The following C1orf21 variants were observed in gnomAD, a reference collection of about 807,000 sequenced individuals.
C1orf21 encodes uncharacterized protein C1orf21.
A neutral mutation model predicts 18.7 loss-of-function variants in C1orf21; 3 were observed. The ratio of observed to expected loss-of-function variants is 0.16; its 90% CI spans 0.07 to 0.42. The LOEUF is 0.42. Ranked by LOEUF, C1orf21 falls within the 10% of genes least tolerant of loss-of-function variation. C1orf21 has a pLI of 0.99. For synonymous variants in C1orf21, 41 were observed against 46.4 expected (o/e 0.88, Z 0.47); for missense variants, 104 against 143.6 (o/e 0.72, Z 1.41).
chr1:184,446,011 T>G (rs551888433), intron 1 of C1orf21, among the ~76,000 whole-genome samples: 126 of 152,340 alleles, frequency 8.3e-4, no homozygotes, highest in Non-Finnish European at 1.6e-3. Context: ...CTATGAATTT[T>G]CTCGGGAGAT....
chr1:184,496,935 T>G (rs893978607), intron 2 of C1orf21, among the ~76,000 whole-genome samples: 2 of 152,182 alleles, frequency 1.3e-5, no homozygotes, highest in African/African-American at 4.8e-5. Context: ...ACATTCAAGG[T>G]GTCTTACTCT....
At chr1:184,435,582 A>T (rs1656844777) in intron 1 of C1orf21, among the ~76,000 whole-genome samples, 1 of 152,162 alleles carries the variant, frequency 6.6e-6, no homozygotes, top group Non-Finnish European at 1.5e-5. Flanking sequence ...ACTTCAGGTG[A>T]TCTGCCCACC....
At chr1:184,558,049 T>A (rs1032591040) in intron 3 of C1orf21, among the ~76,000 whole-genome samples, 1 of 152,214 alleles carries the variant, frequency 6.6e-6, no homozygotes, top group Admixed American at 6.5e-5. Flanking sequence ...CTCATTTATA[T>A]CCTGCTTTAC....
Position 184,619,593 on chromosome 1 carries a change from TGTAAATA to T in C1orf21, c.*39_*45del, listed in dbSNP as rs753832764. 1.3e-6 allele frequency: 2 copies of T among 1,598,280 alleles called. No homozygotes were observed. Among genetic ancestry groups the T allele is most frequent in the South Asian group, 1.1e-5 (1 of 89,836 alleles). On this transcript the variant is annotated 3_prime_UTR_variant, in exon 6 of 6. Coordinates refer to ENST00000235307, the MANE Select transcript of C1orf21 (RefSeq NM_030806.4). Reference sequence around the variant, plus strand: ...CCACTCAAACCAGGAGCTACTACTGTGTAAATAGGTTACACCCCAGTTGAAATCTTTG... The same window carrying T: ...CCACTCAAACCAGGAGCTACTACTGTGGTTACACCCCAGTTGAAATCTTTG...
Position 184,490,969 on chromosome 1 carries a change from T to C in C1orf21, c.94+13366T>C, listed in dbSNP as rs201618091. Among the ~76,000 whole-genome samples, 28 of 152,134 alleles carry C rather than the reference T, an allele frequency of 1.8e-4. No homozygotes were observed. In the East Asian group the frequency reaches 4.1e-3, roughly 22 times the overall value. ...TTTTATAACTATGTAGGTGGTGACA[T>C]TGAGAAAGAACTTGTGGAGCAAGGT... On this transcript the variant is annotated intron_variant, in intron 2 of 5. Coordinates refer to ENST00000235307, the MANE Select transcript of C1orf21 (RefSeq NM_030806.4).
At chr1:184,516,725 C>T (rs1382095121) in intron 3 of C1orf21, among the ~76,000 whole-genome samples, 2 of 152,166 alleles carry the variant, frequency 1.3e-5, no homozygotes, top group African/African-American at 4.8e-5. Context: ...GGAAACTGCC[C>T]CCATGATTCA....
chr1:184,437,782 C>T (rs1470365872), intron 1 of C1orf21, among the ~76,000 whole-genome samples: 1 of 151,882 alleles, frequency 6.6e-6, no homozygotes, highest in Non-Finnish European at 1.5e-5. Flanking sequence ...AATTATATAA[C>T]TCACCATAAT....
chr1:184,590,673 C>A, intron 3 of C1orf21, 66 bp from the exon 4 acceptor site: 1 of 1,483,870 alleles, frequency 6.7e-7, no homozygotes, highest in Non-Finnish European at 9.4e-7. Context: ...GTGATGAAAA[C>A]TCATACACTT....
At chr1:184,507,263 T>C (rs1312547218) in intron 2 of C1orf21, among the ~76,000 whole-genome samples, 1 of 152,210 alleles carries the variant, frequency 6.6e-6, no homozygotes, top group Non-Finnish European at 1.5e-5. Context: ...TGATATGTCC[T>C]AGTGTAACAT....
chr1:184,514,402 G>C (rs950463190), intron 3 of C1orf21, among the ~76,000 whole-genome samples: 1 of 152,128 alleles, frequency 6.6e-6, no homozygotes, highest in Admixed American at 6.5e-5. Flanking sequence ...TACCAGTTTG[G>C]ATGGTGTTGC....
At chr1:184,591,066 TG>T (rs1014756732) in intron 4 of C1orf21, among the ~76,000 whole-genome samples, 2 of 152,104 alleles carry the variant, frequency 1.3e-5, no homozygotes, top group African/African-American at 2.4e-5. Context: ...AGAGGATGTG[TG>T]GGGGTTATGC....
chr1:184,569,229 C>A (rs532214317), intron 3 of C1orf21, among the ~76,000 whole-genome samples: 1 of 152,192 alleles, frequency 6.6e-6, no homozygotes, highest in East Asian at 1.9e-4. Flanking sequence ...TTTTCATAGT[C>A]TCTGGAGGAA....
chr1:184,495,173 C>T (rs569618496), intron 2 of C1orf21, among the ~76,000 whole-genome samples: 4 of 152,222 alleles, frequency 2.6e-5, no homozygotes, highest in African/African-American at 4.8e-5. Context: ...TCTCGCCTCC[C>T]TTCCTGTAAC....
intron 3 of C1orf21, among the ~76,000 whole-genome samples, chr1:184,586,581 C>G (rs1330665674): frequency 2.0e-5 from 3 of 152,116 alleles, no homozygotes; most frequent in Non-Finnish European, 2.9e-5. Flanking sequence ...CCGCGCCCGG[C>G]CTTGTCCACT....
intron 3 of C1orf21, among the ~76,000 whole-genome samples, chr1:184,547,790 T>C (rs1003936970): frequency 6.6e-6 from 1 of 152,190 alleles, no homozygotes; most frequent in Non-Finnish European, 1.5e-5. Context: ...TGGAGTATGC[T>C]CCTCTCTAGA....
In C1orf21 at chr1:184,548,735, G is replaced by A. The variant is rs193085252; in HGVS notation, c.189+41053G>A. Among the ~76,000 whole-genome samples, 352 of 152,254 alleles carry A rather than the reference G, an allele frequency of 2.3e-3. 1 individual carries two copies. The highest frequency in any genetic ancestry group is 7.1e-3 in the African/African-American group (293 of 41,544). On this transcript the variant is annotated intron_variant, in intron 3 of 5. Transcript: ENST00000235307. Reference sequence around the variant, plus strand: ...TTGCAGGGTACTTTCCTTTGGAGAAGGAACTAAAGTATTCAGCAAATGACA... The same window carrying A: ...TTGCAGGGTACTTTCCTTTGGAGAAAGAACTAAAGTATTCAGCAAATGACA...
At chr1:184,477,697 C>A in intron 2 of C1orf21, 94 bp downstream of exon 2, 2 of 996,102 alleles carry the variant, frequency 2.0e-6, no homozygotes, top group African/African-American at 1.6e-5. Context: ...TTATGGGGTG[C>A]TTGTGATATT....
At chr1:184,496,778 A>G (rs980329231) in intron 2 of C1orf21, among the ~76,000 whole-genome samples, 3 of 152,232 alleles carry the variant, frequency 2.0e-5, no homozygotes, top group South Asian at 2.1e-4. Context: ...TGGCTTGTTT[A>G]TACAGAATTA....
chr1:184,565,069 C>G (rs1291682986), intron 3 of C1orf21, among the ~76,000 whole-genome samples: 1 of 152,136 alleles, frequency 6.6e-6, no homozygotes, highest in Non-Finnish European at 1.5e-5. Flanking sequence ...ACTAGACTAC[C>G]CTTAAAAGTG....
Sources: allele counts gnomAD v4.1 joint callset (sites outside exome capture counted in the v4.1 genomes callset), GRCh38; gene constraint gnomAD v4.1.1; transcripts MANE v1.5; gene names NCBI Gene and HGNC (gene_info 2026-07-23, HGNC 2026-07-21).